MOK: variants seen among roughly 807,000 people sequenced by gnomAD.
The protein encoded by MOK is MAPK/MAK/MRK overlapping kinase.
A neutral mutation model predicts 54.2 loss-of-function variants in MOK; 59 were observed. That is an observed-to-expected ratio of 1.09 (90% CI 0.88 to 1.35). The LOEUF is 1.35. Ranked by LOEUF, MOK falls within the 40% of genes most tolerant of loss-of-function variation. The pLI is 0.00. For missense variants in MOK, 517 were observed against 526.2 expected (o/e 0.98, Z 0.17); for synonymous variants, 210 against 202.7 (o/e 1.04, Z -0.31).
At chr14:102,272,615 G>GTTATTT (rs1180354346) in intron 2 of MOK, among the ~76,000 whole-genome samples, 1 of 152,112 alleles carries the variant, frequency 6.6e-6, no homozygotes, top group Non-Finnish European at 1.5e-5. Flanking sequence ...GCAAGGTTGA[G>GTTATTT]TTATTATTCA....
chr14:102,265,524 C>T (rs1359943534), intron 3 of MOK, among the ~76,000 whole-genome samples: 2 of 151,988 alleles, frequency 1.3e-5, no homozygotes, highest in African/African-American at 2.4e-5. Context: ...CCCAGCTACT[C>T]GGGAGGCTGA....
the MOK span, among the ~76,000 whole-genome samples, chr14:102,217,997 G>GGACGGGA: frequency 1.3e-5 from 2 of 152,226 alleles, no homozygotes; most frequent in Non-Finnish European, 2.9e-5. Context: ...TCCCTCTGGG[G>GGACGGGA]GACGCCAGTG....
At chr14:102,294,249 A>G (rs984064860) in intron 1 of MOK, among the ~76,000 whole-genome samples, 4 of 152,078 alleles carry the variant, frequency 2.6e-5, no homozygotes, top group Non-Finnish European at 5.9e-5. Context: ...GATCAACACC[A>G]TCCTGGCTAA....
At chr14:102,262,242 T>A (rs1191848158) in intron 4 of MOK, among the ~76,000 whole-genome samples, 1 of 151,592 alleles carries the variant, frequency 6.6e-6, no homozygotes, top group African/African-American at 2.4e-5. Context: ...GCCTCCTAGG[T>A]TCAATCGATT....
At chr14:102,224,111 G>A (rs3742433), downstream of MOK, among the ~76,000 whole-genome samples, 7,800 of 144,864 alleles carry the variant, frequency 0.054, 263 homozygotes, top group African/African-American at 0.11. Context: ...GCGCAATCTC[G>A]GCTCACTGCA....
intron 1 of MOK, among the ~76,000 whole-genome samples, chr14:102,289,055 A>C (rs2070458853): frequency 6.6e-6 from 1 of 152,076 alleles, no homozygotes; most frequent in Non-Finnish European, 1.5e-5. Context: ...GGCACCCGCC[A>C]CCATGCCCAG....
At chr14:102,253,791 T>A (rs937830676) in intron 4 of MOK, among the ~76,000 whole-genome samples, 1 of 152,226 alleles carries the variant, frequency 6.6e-6, no homozygotes, top group African/African-American at 2.4e-5. Flanking sequence ...GTTTTAAATC[T>A]GCACAATGAC....
At position 102,229,594 on chromosome 14, in the gene MOK, G is replaced by C; in HGVS notation, c.1045C>G (p.Leu349Val). The C allele has an allele frequency of 6.2e-7, 1 of 1,614,224 alleles. No homozygotes were observed. The highest frequency in any genetic ancestry group is 8.5e-7 in the Non-Finnish European group (1 of 1,180,046). The change falls in exon 11 of 12, where the codon CTG (leucine) becomes GTG (valine). Residue 349 changes from leucine (L) to valine (V), a missense_variant. Leu to Val is a conservative substitution (Grantham distance 32). Transcript: ENST00000361847. ...ACTCCCGAAAGCTTTAGTTTGGGCAGTTCCATGACATAGGCCGGTCCTCGT... is the reference window on the plus strand; with the variant it reads ...ACTCCCGAAAGCTTTAGTTTGGGCACTTCCATGACATAGGCCGGTCCTCGT... Reference protein sequence around the residue: ...KRRGPAYVMELPKLKLSGVVR... With the variant: ...KRRGPAYVMEVPKLKLSGVVR...
intron 7 of MOK, among the ~76,000 whole-genome samples, chr14:102,239,093 C>T (rs894056785): frequency 4.6e-5 from 7 of 152,216 alleles, no homozygotes; most frequent in African/African-American, 1.2e-4. Context: ...TGGTCTCCCT[C>T]GCTCCAATCA....
chr14:102,290,954 G>C (rs746507532), intron 1 of MOK, among the ~76,000 whole-genome samples: 3 of 152,092 alleles, frequency 2.0e-5, no homozygotes, highest in African/African-American at 7.2e-5. Flanking sequence ...TCCCCAAACC[G>C]AAGATCTTCA....
At chr14:102,258,530 G>C (rs2067148120) in intron 4 of MOK, among the ~76,000 whole-genome samples, 1 of 152,106 alleles carries the variant, frequency 6.6e-6, no homozygotes, top group Non-Finnish European at 1.5e-5. Context: ...ACATGGGTGG[G>C]AACTGTGTCT....
chr14:102,301,128 T>A (rs2139346149), intron 1 of MOK, among the ~76,000 whole-genome samples: 1 of 152,192 alleles, frequency 6.6e-6, no homozygotes, highest in African/African-American at 2.4e-5. Flanking sequence ...TAAGATGACT[T>A]CAGCTCCAGC....
intron 2 of MOK, among the ~76,000 whole-genome samples, chr14:102,267,069 G>C (rs529856652): frequency 6.6e-6 from 1 of 152,260 alleles, no homozygotes; most frequent in East Asian, 1.9e-4. Flanking sequence ...ACTTCACCAC[G>C]GTAGGCCCAT....
At chr14:102,255,387 C>A (rs2066869790) in intron 4 of MOK, among the ~76,000 whole-genome samples, 1 of 152,100 alleles carries the variant, frequency 6.6e-6, no homozygotes, top group Non-Finnish European at 1.5e-5. Context: ...AATGGAGCCA[C>A]AAACGGGCAT....
chr14:102,227,638 G>A (rs566294684), downstream of MOK, among the ~76,000 whole-genome samples: 183 of 152,248 alleles, frequency 1.2e-3, no homozygotes, highest in Non-Finnish European at 2.0e-3. Flanking sequence ...GAACATTACG[G>A]CAAGCCTCAC....
intron 4 of MOK, among the ~76,000 whole-genome samples, chr14:102,254,484 G>A (rs527376446): frequency 1.3e-5 from 2 of 152,232 alleles, no homozygotes; most frequent in South Asian, 2.1e-4. Context: ...CTTCACACAC[G>A]CAGCAGAATG....
chr14:102,248,797 A>C (rs923579165), intron 7 of MOK, among the ~76,000 whole-genome samples: 14 of 150,400 alleles, frequency 9.3e-5, no homozygotes, highest in Non-Finnish European at 1.8e-4. Context: ...AAAAAAAAAA[A>C]CCAACCCCAG....
At chr14:102,243,606 C>T (rs920456185) in intron 7 of MOK, among the ~76,000 whole-genome samples, 2 of 152,194 alleles carry the variant, frequency 1.3e-5, no homozygotes, top group African/African-American at 4.8e-5. Flanking sequence ...ATACTTTCTG[C>T]TCCCTGGCTC....
At chr14:102,262,032 G>A (rs2067517114) in intron 4 of MOK, among the ~76,000 whole-genome samples, 1 of 151,206 alleles carries the variant, frequency 6.6e-6, no homozygotes, top group East Asian at 1.9e-4. Context: ...TAATAGAGAC[G>A]AGGTTTCACT....
Sources: gnomAD v4.1 joint callset for allele counts (sites outside exome capture counted in the v4.1 genomes callset) on GRCh38, gnomAD v4.1.1 for gene constraint, MANE v1.5 for transcripts, NCBI Gene and HGNC (gene_info 2026-07-23, HGNC 2026-07-21) for gene names.